Variants in CELF2 observed in about 807,000 individuals in gnomAD.
The protein encoded by CELF2 is CUG triplet repeat RNA-binding protein 2.
A neutral mutation model predicts 62.6 loss-of-function variants in CELF2; 8 were observed. The observed-to-expected ratio is 0.13, with a 90% confidence interval of 0.07 to 0.23. The LOEUF is 0.23. Ranked by LOEUF, CELF2 falls within the 10% of genes least tolerant of loss-of-function variation. The probability of loss-of-function intolerance (pLI) is 1.00; values close to 1 mark genes in which losing one functional copy is unlikely to be tolerated. For synonymous variants in CELF2, 258 were observed against 250.0 expected (o/e 1.03, Z -0.30); for missense variants, 333 against 671.0 (o/e 0.50, Z 5.56).
chr10:11,225,222 G>A (rs947858982), intron 3 of CELF2, among the ~76,000 whole-genome samples: 3 of 151,990 alleles, frequency 2.0e-5, no homozygotes, highest in Non-Finnish European at 4.4e-5. Context: ...TCGCAGAAAG[G>A]GACACTGTGA....
At chr10:11,060,304 C>T (rs146140627) in intron 1 of CELF2, among the ~76,000 whole-genome samples, 5 of 152,290 alleles carry the variant, frequency 3.3e-5, no homozygotes, top group East Asian at 1.9e-4. Context: ...CTGCGTGCAC[C>T]GTTCCCGGCA....
intron 1 of CELF2, among the ~76,000 whole-genome samples, chr10:10,810,689 G>A (rs1403344803): frequency 6.6e-6 from 1 of 152,132 alleles, no homozygotes; most frequent in African/African-American, 2.4e-5. Context: ...ACGGAAGGGA[G>A]AGGTCTTAGA....
At chr10:11,058,997 G>A (rs1017326238) in intron 1 of CELF2, among the ~76,000 whole-genome samples, 3 of 152,144 alleles carry the variant, frequency 2.0e-5, no homozygotes, top group Admixed American at 6.5e-5. Flanking sequence ...TGCGTAGGCT[G>A]GTCTCAAACT....
chr10:10,818,682 T>C (rs1019468983), intron 1 of CELF2, among the ~76,000 whole-genome samples: 2 of 151,524 alleles, frequency 1.3e-5, no homozygotes, highest in African/African-American at 4.9e-5. Context: ...GCCTCCTGAG[T>C]AGCTGGGATT....
intron 2 of CELF2, among the ~76,000 whole-genome samples, chr10:10,985,218 C>T (rs1051629106): frequency 6.6e-6 from 1 of 152,026 alleles, no homozygotes; most frequent in African/African-American, 2.4e-5. Flanking sequence ...CAGGGGTTCA[C>T]ATTTTGGTGA....
chr10:10,806,314 C>T (rs1336279963), intron 1 of CELF2, among the ~76,000 whole-genome samples: 1 of 151,704 alleles, frequency 6.6e-6, no homozygotes, highest in Non-Finnish European at 1.5e-5. Flanking sequence ...AAGCGATTCT[C>T]CTGCCTCAGC....
chr10:10,539,634 C>A, the CELF2 span, among the ~76,000 whole-genome samples: 1 of 152,216 alleles, frequency 6.6e-6, no homozygotes, highest in Non-Finnish European at 1.5e-5. Flanking sequence ...AACTCCAACT[C>A]TTGAGATTAC....
At chr10:10,617,360 A>G in the CELF2 span, among the ~76,000 whole-genome samples, 3 of 152,160 alleles carry the variant, frequency 2.0e-5, no homozygotes, top group Admixed American at 2.0e-4. Context: ...AAGTGAAGCC[A>G]GCTGGGCACA....
In CELF2 at chr10:11,243,067, C is replaced by G. The variant is rs1209300863; in HGVS notation, c.355-6086C>G. Among the ~76,000 whole-genome samples, 3 of 152,170 alleles carry G rather than the reference C, an allele frequency of 2.0e-5. No individual in the cohort carries two copies. Among genetic ancestry groups the G allele is most frequent in the African/African-American group, 7.2e-5 (3 of 41,442 alleles). ...AGCTCCAGCTCACTGAAAGCCCAAG[C>G]AGACCCCTGAAGGACTATATCTCTG... is the stretch of plus-strand genomic sequence containing the variant. On this transcript the variant is annotated intron_variant, in intron 3 of 12. Coordinates refer to ENST00000633077, the MANE Select transcript of CELF2 (RefSeq NM_001326342.2). This position sits in a 1 kb window ranked among gnomAD's most constrained non-coding sequence, Gnocchi z 4.1.
chr10:11,253,416 C>T (rs1007206821), intron 4 of CELF2, among the ~76,000 whole-genome samples: 1 of 152,156 alleles, frequency 6.6e-6, no homozygotes, highest in Admixed American at 6.5e-5. Context: ...ACCTGCAAAG[C>T]CTCCATTAAA....
At chr10:11,323,464 G>A (rs369723616) in intron 11 of CELF2, among the ~76,000 whole-genome samples, 3 of 102,226 alleles carry the variant, frequency 2.9e-5, no homozygotes, top group South Asian at 3.9e-4. Context: ...TAATAATAAT[G>A]AATTCCAGAT....
Position 11,237,570 on chromosome 10 carries a change from G to A in CELF2, c.355-11583G>A, listed in dbSNP as rs2071949306. Among the ~76,000 whole-genome samples the A allele has an allele frequency of 6.6e-6, 1 of 152,210 alleles. No homozygotes were observed. The highest frequency in any genetic ancestry group is 6.5e-5 in the Admixed American group (1 of 15,284). On this transcript the variant is annotated intron_variant, in intron 3 of 12. Transcript: ENST00000633077. The surrounding 1 kb of genome is among the most constrained non-coding windows in gnomAD (Gnocchi z 4.0). ...CAGCACATGTACCAGGTCGTCAAGG[G>A]GAGCCCAGGTGCAAGGGCTGCTTCA...
At chr10:10,569,078 G>A in the CELF2 span, among the ~76,000 whole-genome samples, 6 of 152,320 alleles carry the variant, frequency 3.9e-5, no homozygotes, top group South Asian at 6.2e-4. Context: ...AACTATGGCA[G>A]TGGAAGAAAG....
the CELF2 span, among the ~76,000 whole-genome samples, chr10:10,643,644 C>T: frequency 6.6e-6 from 1 of 152,138 alleles, no homozygotes; most frequent in Non-Finnish European, 1.5e-5. Flanking sequence ...TTTAGTCTAA[C>T]ACTATCATTT....
At chr10:10,651,599 C>T in the CELF2 span, among the ~76,000 whole-genome samples, 1 of 144,906 alleles carries the variant, frequency 6.9e-6, no homozygotes, top group East Asian at 2.0e-4. Context: ...AGGCACCCCC[C>T]AGCAGGGGCA....
intron 1 of CELF2, among the ~76,000 whole-genome samples, chr10:11,133,256 A>T (rs138997892): frequency 1.3e-5 from 2 of 152,350 alleles, no homozygotes; most frequent in Non-Finnish European, 2.9e-5. Flanking sequence ...ACAGATTGTT[A>T]GAGCCTTGAG....
intron 1 of CELF2, among the ~76,000 whole-genome samples, chr10:10,807,252 G>A (rs1279710611): frequency 1.3e-5 from 2 of 152,160 alleles, no homozygotes; most frequent in African/African-American, 4.8e-5. Context: ...ATATTTTAAT[G>A]TTCTTAGGCT....
rs993465379 is a variant in CELF2, at chr10:11,297,333, C to T, written c.976+8781C>T. ...TGCAGAGTGGATTGAGACTGACCTGCAGAGGCCAGGCGGGCTGCCCTAAGC... is the reference window on the plus strand; with the variant it reads ...TGCAGAGTGGATTGAGACTGACCTGTAGAGGCCAGGCGGGCTGCCCTAAGC... On this transcript the variant is annotated intron_variant, in intron 9 of 12. Coordinates refer to ENST00000633077, the MANE Select transcript of CELF2 (RefSeq NM_001326342.2). This position sits in a 1 kb window ranked among gnomAD's most constrained non-coding sequence, Gnocchi z 4.4. Among the ~76,000 whole-genome samples, 14 of 152,314 alleles carry T rather than the reference C, an allele frequency of 9.2e-5. No homozygotes were observed. The highest frequency in any genetic ancestry group is 7.8e-4 in the Admixed American group (12 of 15,306).
At chr10:11,072,972 A>G (rs563194635) in intron 1 of CELF2, among the ~76,000 whole-genome samples, 94 of 152,018 alleles carry the variant, frequency 6.2e-4, no homozygotes, top group African/African-American at 2.2e-3. Flanking sequence ...TTAATATCCT[A>G]TTACATTATA....
Sources: gnomAD v4.1 joint callset for allele counts (sites outside exome capture counted in the v4.1 genomes callset) on GRCh38, gnomAD v4.1.1 for gene constraint, Gnocchi (gnomAD v3.1) non-coding constraint, MANE v1.5 for transcripts, NCBI Gene and HGNC (gene_info 2026-07-23, HGNC 2026-07-21) for gene names.